Variants in RPS6KC1 observed in about 807,000 individuals in gnomAD.
RPS6KC1 encodes the protein ribosomal protein S6 kinase C1.
In RPS6KC1, 54 loss-of-function variants were observed where a neutral mutation model predicts 103.8. That is an observed-to-expected ratio of 0.52 (90% CI 0.42 to 0.65). The LOEUF is 0.65. Among genes scored for constraint, RPS6KC1 ranks in the 30% least tolerant of loss-of-function variants. The pLI is 0.00. For synonymous variants in RPS6KC1, 439 were observed against 438.7 expected (o/e 1.00, Z -0.01); for missense variants, 1,151 against 1,253.8 (o/e 0.92, Z 1.24).
At chr1:213,413,258 G>T in the RPS6KC1 span, among the ~76,000 whole-genome samples, 1 of 152,162 alleles carries the variant, frequency 6.6e-6, no homozygotes, top group East Asian at 1.9e-4. Flanking sequence ...TGATTTCCTT[G>T]TATTAGGAAC....
At chr1:213,679,165 A>G in the RPS6KC1 span, among the ~76,000 whole-genome samples, 150,900 of 152,316 alleles carry the variant, frequency 0.99, 74,754 homozygotes, top group Middle Eastern at 1. Context: ...AAACGAGCCA[A>G]GTAAAGTGCT....
chr1:213,158,337 C>T (rs1481908864), intron 6 of RPS6KC1, among the ~76,000 whole-genome samples: 3 of 152,208 alleles, frequency 2.0e-5, no homozygotes, highest in Non-Finnish European at 4.4e-5. Context: ...TGGCAATGTG[C>T]TTGCTATTCC....
At chr1:213,252,303 A>G (rs750189680) in intron 12 of RPS6KC1, among the ~76,000 whole-genome samples, 3 of 152,210 alleles carry the variant, frequency 2.0e-5, no homozygotes, top group Non-Finnish European at 4.4e-5. Context: ...CTGACATGGA[A>G]TGCTCATTGC....
At chr1:213,858,175 A>G in the RPS6KC1 span, among the ~76,000 whole-genome samples, 33 of 152,224 alleles carry the variant, frequency 2.2e-4, no homozygotes, top group Non-Finnish European at 4.7e-4. Context: ...TTTAACTGGG[A>G]GCTTACTCCA....
At chr1:213,290,686 A>G in the RPS6KC1 span, among the ~76,000 whole-genome samples, 4 of 151,936 alleles carry the variant, frequency 2.6e-5, no homozygotes, top group Non-Finnish European at 4.4e-5. Context: ...TCCTAGGTCT[A>G]GTTGTGACAA....
the RPS6KC1 span, among the ~76,000 whole-genome samples, chr1:213,364,417 G>A: frequency 2.6e-5 from 4 of 152,176 alleles, no homozygotes; most frequent in African/African-American, 7.2e-5. Context: ...CTAAGGAGTT[G>A]GTACTTTACC....
intron 5 of RPS6KC1, among the ~76,000 whole-genome samples, chr1:213,118,021 CAAAAA>C (rs59318173): frequency 1.5e-4 from 5 of 34,180 alleles, no homozygotes; most frequent in Admixed American, 2.9e-4. Flanking sequence ...GACTTTGTCT[CAAAAA>C]AAAAAAAAAA....
At chr1:213,820,000 G>C in the RPS6KC1 span, 2 of 152,226 alleles carry the variant, frequency 1.3e-5, no homozygotes, top group African/African-American at 2.4e-5. Flanking sequence ...AGCAGACCCT[G>C]ATTAATGGCA....
chr1:213,470,216 T>C, the RPS6KC1 span, among the ~76,000 whole-genome samples: 8 of 152,388 alleles, frequency 5.2e-5, no homozygotes, highest in African/African-American at 1.9e-4. Context: ...TTTCAATCTG[T>C]TGCTTTCCTC....
chr1:213,422,721 A>C, the RPS6KC1 span, among the ~76,000 whole-genome samples: 2 of 152,238 alleles, frequency 1.3e-5, no homozygotes, highest in Non-Finnish European at 2.9e-5. Flanking sequence ...CATGCAGTCC[A>C]TGGACTGTAT....
the RPS6KC1 span, among the ~76,000 whole-genome samples, chr1:213,532,748 G>A: frequency 2.4e-4 from 36 of 152,336 alleles, no homozygotes; most frequent in African/African-American, 8.7e-4. Flanking sequence ...AGAGGGGGAT[G>A]TGCAGTGTCC....
At chr1:213,319,500 T>C in the RPS6KC1 span, among the ~76,000 whole-genome samples, 1 of 152,198 alleles carries the variant, frequency 6.6e-6, no homozygotes, top group Non-Finnish European at 1.5e-5. Flanking sequence ...CAGTTCATAA[T>C]AGTTACTATG....
the RPS6KC1 span, among the ~76,000 whole-genome samples, chr1:213,328,080 G>A: frequency 3.3e-5 from 5 of 152,106 alleles, no homozygotes; most frequent in Admixed American, 2.0e-4. Context: ...GGTAGCTGTC[G>A]CCCATGTTAG....
At chr1:213,725,424 A>C in the RPS6KC1 span, among the ~76,000 whole-genome samples, 11 of 152,368 alleles carry the variant, frequency 7.2e-5, no homozygotes, top group African/African-American at 2.6e-4. Context: ...CTCGGCAGCC[A>C]GCAGATGCCC....
chr1:213,242,705 A>G, intron 12 of RPS6KC1, 47 bp downstream of exon 12: 1 of 1,330,530 alleles, frequency 7.5e-7, no homozygotes. Context: ...GTGGTTCGGC[A>G]GCTCTCATTT....
chr1:213,344,745 G>T, the RPS6KC1 span, among the ~76,000 whole-genome samples: 4 of 152,178 alleles, frequency 2.6e-5, no homozygotes, highest in South Asian at 6.2e-4. Flanking sequence ...ATGTTGGCCA[G>T]ACTGGTTTTG....
the RPS6KC1 span, among the ~76,000 whole-genome samples, chr1:213,845,148 T>C: frequency 2.0e-5 from 3 of 151,892 alleles, no homozygotes; most frequent in Non-Finnish European, 4.4e-5. Context: ...GAATTTAGAG[T>C]CTGTGAGAAA....
chr1:213,052,190 AAG>A (rs541773474), intron 1 of RPS6KC1, among the ~76,000 whole-genome samples: 218 of 152,316 alleles, frequency 1.4e-3, no homozygotes, highest in African/African-American at 5.0e-3. Flanking sequence ...TTGAGTTTTA[AAG>A]AGAGTCTGCA....
chr1:213,673,317 G>C, the RPS6KC1 span, among the ~76,000 whole-genome samples: 1 of 152,234 alleles, frequency 6.6e-6, no homozygotes. Flanking sequence ...TATTCTAAAA[G>C]ACAGTGGATT....
Sources: gnomAD v4.1 joint callset for allele counts (sites outside exome capture counted in the v4.1 genomes callset) on GRCh38, gnomAD v4.1.1 for gene constraint, MANE v1.5 for transcripts, NCBI Gene and HGNC (gene_info 2026-07-23, HGNC 2026-07-21) for gene names.